The following PIK3CD variants were observed in gnomAD, a reference collection of about 807,000 sequenced individuals.
PIK3CD encodes the protein phosphatidylinositol-4,5-bisphosphate 3-kinase catalytic subunit delta.
Under a neutral mutation model 122.9 loss-of-function variants are expected in PIK3CD, and 20 were observed. The ratio of observed to expected loss-of-function variants is 0.16; its 90% confidence interval spans 0.11 to 0.24. PIK3CD has a LOEUF of 0.24. Among genes scored for constraint, PIK3CD ranks in the 10% least tolerant of loss-of-function variants. The pLI is 1.00. For missense variants in PIK3CD, 787 were observed against 1,406.3 expected (o/e 0.56, Z 7.04); for synonymous variants, 596 against 593.4 (o/e 1.00, Z -0.06).
intron 1 of PIK3CD, among the ~76,000 whole-genome samples, chr1:9,675,683 T>G (rs559149429): frequency 6.6e-6 from 1 of 152,076 alleles, no homozygotes; most frequent in Non-Finnish European, 1.5e-5. Context: ...CTTTTTCACT[T>G]GTCCCCTCAC....
chr1:9,724,086 T>C lies in PIK3CD; in HGVS notation c.2712T>C (p.Ser904=), dbSNP rs746848118. The part of the protein sequence containing the change: ...RHSDNIMIRE[S]GQLFHIDFGH... ...GCGACAACATCATGATCCGAGAGAG[T>C]GGGCAGGTACAGGGGCTGGTGCTGG... The change falls in exon 21 of 24, where the codon AGT becomes AGC. Residue 904 remains serine (S), a synonymous_variant. Coordinates refer to ENST00000377346, the MANE Select transcript of PIK3CD (RefSeq NM_005026.5). The surrounding 1 kb of genome is among the most constrained non-coding windows in gnomAD (Gnocchi z 7.3). 5 of 1,613,934 alleles carry C rather than the reference T, an allele frequency of 3.1e-6. No individual in the cohort carries two copies. The South Asian group carries it at 5.5e-5, about 18-fold the overall frequency.
At chr1:9,680,192 T>C (rs1645696090) in intron 1 of PIK3CD, among the ~76,000 whole-genome samples, 1 of 151,340 alleles carries the variant, frequency 6.6e-6, no homozygotes, top group African/African-American at 2.5e-5. Context: ...CCTAGGCTGG[T>C]TTCAAACTCT....
In PIK3CD at chr1:9,727,120, G is replaced by A; in HGVS notation, c.*74G>A. The A allele has an allele frequency of 1.3e-6, 2 of 1,569,398 alleles. No individual in the cohort carries two copies. The highest frequency in any genetic ancestry group is 8.8e-7 in the Non-Finnish European group (1 of 1,142,264). On this transcript the variant is annotated 3_prime_UTR_variant, in exon 24 of 24. Coordinates refer to ENST00000377346, the MANE Select transcript of PIK3CD (RefSeq NM_005026.5). ...GGACCAAGCACATTGGTCCTAAAGG[G>A]GCTGAAGAGCCTGAACTGCACCTAA...
At chr1:9,640,579 CAAAAAAAGAAAA>C in the PIK3CD span, among the ~76,000 whole-genome samples, 516 of 145,970 alleles carry the variant, frequency 3.5e-3, 3 homozygotes, top group African/African-American at 0.013. Context: ...AACTCTGTCT[CAAAAAAAGAAAA>C]AAAAAAAGAA....
At chr1:9,675,327 A>G (rs979250591) in intron 1 of PIK3CD, among the ~76,000 whole-genome samples, 1 of 141,622 alleles carries the variant, frequency 7.1e-6, no homozygotes, top group African/African-American at 2.6e-5. Context: ...CGGAGCTTGC[A>G]GTGAGCCGAG....
chr1:9,707,769 G>A (rs1322611108), intron 2 of PIK3CD, among the ~76,000 whole-genome samples: 1 of 150,534 alleles, frequency 6.6e-6, no homozygotes, highest in Non-Finnish European at 1.5e-5. Flanking sequence ...GTGTGTATTC[G>A]CCTGGGTAAA....
In PIK3CD at chr1:9,718,738, C is replaced by T. The variant is rs770064539; in HGVS notation, c.1065C>T (p.Cys355=). The change falls in exon 9 of 24, where the codon TGC becomes TGT. Residue 355 remains cysteine, a synonymous_variant. Coordinates refer to ENST00000377346, the MANE Select transcript of PIK3CD (RefSeq NM_005026.5). The surrounding 1 kb of genome is among the most constrained non-coding windows in gnomAD (Gnocchi z 7.2). ...AGLFHGNEML[C]KTVSSSEVSV... ...TTTTCCACGGCAACGAGATGCTGTG[C>T]AAGACGGTGTCCAGCTCGGAGGTGA... The T allele has an allele frequency of 3.7e-6, 6 of 1,608,730 alleles. No homozygotes were observed. Among genetic ancestry groups the T allele is most frequent in the Middle Eastern group, 3.3e-4 (2 of 6,058 alleles).
Position 9,717,696 on chromosome 1 carries a change from G to A in PIK3CD, c.1020+70G>A, listed in dbSNP as rs1647744468. ...AAACAAGGTGGCTGTATCCTGGAGG[G>A]GTAGCAGAGGAAGGAGGGGGATCAC... On this transcript the variant is annotated intron_variant, in intron 8 of 23. Coordinates refer to ENST00000377346, the MANE Select transcript of PIK3CD (RefSeq NM_005026.5). The surrounding 1 kb of genome is among the most constrained non-coding windows in gnomAD (Gnocchi z 5.4). The A allele has an allele frequency of 5.8e-6, 8 of 1,371,256 alleles. No individual in the cohort carries two copies. The highest frequency in any genetic ancestry group is 8.3e-6 in the Non-Finnish European group (8 of 969,310). The allele number at this position is 1,371,256 out of a possible 1,614,324, so 84.9% of individuals were successfully genotyped here.
intron 6 of PIK3CD, 75 bp downstream of exon 6, chr1:9,716,694 G>A: frequency 1.4e-6 from 2 of 1,460,104 alleles, no homozygotes; most frequent in South Asian, 2.4e-5. Flanking sequence ...TCGGGGAGCT[G>A]ACATTTGGGC....
At chr1:9,647,682 T>G (rs1287341311), upstream of PIK3CD, among the ~76,000 whole-genome samples, 2 of 151,892 alleles carry the variant, frequency 1.3e-5, no homozygotes, top group Non-Finnish European at 2.9e-5. Flanking sequence ...AATGTTTTAT[T>G]TTTTGTAAAG....
chr1:9,726,516 T>G (rs1649644362), intron 23 of PIK3CD, among the ~76,000 whole-genome samples: 1 of 152,150 alleles, frequency 6.6e-6, no homozygotes, highest in South Asian at 2.1e-4. Context: ...CAAAAAAATG[T>G]ATATATACAG....
In PIK3CD at chr1:9,710,163, G is replaced by C. The variant is rs1454492434; in HGVS notation, c.-32-261G>C. Reference sequence around the variant, plus strand: ...TGTTCCTGAGGAAAGATGATTTGCTGTGCGTGCTCCTGTGGGGAGGACATG... The same window carrying C: ...TGTTCCTGAGGAAAGATGATTTGCTCTGCGTGCTCCTGTGGGGAGGACATG... On this transcript the variant is annotated intron_variant, in intron 2 of 23. Coordinates refer to ENST00000377346, the MANE Select transcript of PIK3CD (RefSeq NM_005026.5). The surrounding 1 kb of genome is among the most constrained non-coding windows in gnomAD (Gnocchi z 4.7). 4.4e-6 allele frequency: 2 copies of C among 459,200 alleles called. No individual in the cohort carries two copies. The highest frequency in any genetic ancestry group is 2.1e-5 in the South Asian group (1 of 48,694). 28.4% of individuals were successfully genotyped at this position (459,200 alleles called of 1,614,324 possible).
chr1:9,724,032 A>G lies in PIK3CD; in HGVS notation c.2658A>G (p.Thr886=), dbSNP rs753405401. Residue 886 remains threonine, a synonymous_variant, in exon 21 of 24, where the codon ACA becomes ACG. Transcript: ENST00000377346. This position sits in a 1 kb window ranked among gnomAD's most constrained non-coding sequence, Gnocchi z 7.3. The stretch of plus-strand genomic sequence containing the variant: ...CCTGTGCTGGCTATTGTGTGGCCAC[A>G]TATGTGCTGGGCATTGGCGATCGGC... ...TLSCAGYCVA[T]YVLGIGDRHS... is the part of the protein sequence containing the mutation. 1.9e-6 allele frequency: 3 copies of G among 1,614,156 alleles called. No individual in the cohort carries two copies. The highest frequency in any genetic ancestry group is 1.1e-5 in the South Asian group (1 of 91,082).
intron 2 of PIK3CD, among the ~76,000 whole-genome samples, chr1:9,703,807 G>A (rs1646736673): frequency 6.6e-6 from 1 of 152,188 alleles, no homozygotes; most frequent in Non-Finnish European, 1.5e-5. Flanking sequence ...ATCATGAATA[G>A]TGATGCCATA....
At chr1:9,712,640 T>C (rs1647102840) in intron 3 of PIK3CD, among the ~76,000 whole-genome samples, 1 of 152,172 alleles carries the variant, frequency 6.6e-6, no homozygotes. Flanking sequence ...AAAGAAGTAA[T>C]GGATCATCTT....
chr1:9,691,666 A>G (rs2100466272), intron 2 of PIK3CD, 95 bp downstream of exon 2: 1 of 395,848 alleles, frequency 2.5e-6, no homozygotes, highest in African/African-American at 2.1e-5. Flanking sequence ...ATCCTCCCCG[A>G]CTCTCCAGCC....
At chr1:9,654,286 G>C (rs372172762) in intron 1 of PIK3CD, 17 of 1,367,614 alleles carry the variant, frequency 1.2e-5, no homozygotes, top group African/African-American at 5.9e-5. Flanking sequence ...GCGTTTCTGC[G>C]TTTCTGCAGC....
intron 2 of PIK3CD, among the ~76,000 whole-genome samples, chr1:9,696,422 A>G (rs570352454): frequency 4.6e-5 from 7 of 152,118 alleles, no homozygotes; most frequent in Admixed American, 1.3e-4. Flanking sequence ...CCCCATCTCT[A>G]CAAGAAATAA....
At chr1:9,713,768 T>C (rs890268373) in intron 3 of PIK3CD, among the ~76,000 whole-genome samples, 1 of 151,388 alleles carries the variant, frequency 6.6e-6, no homozygotes, top group Non-Finnish European at 1.5e-5. Context: ...TTTTATTTTT[T>C]ATTATTATTA....
Sources: allele counts gnomAD v4.1 joint callset (sites outside exome capture counted in the v4.1 genomes callset), GRCh38; gene constraint gnomAD v4.1.1; non-coding constraint Gnocchi (gnomAD v3.1); transcripts MANE v1.5; gene names NCBI Gene and HGNC (gene_info 2026-07-23, HGNC 2026-07-21).